PTPRT: variants seen among roughly 807,000 people sequenced by gnomAD.
PTPRT encodes the protein receptor-type tyrosine-protein phosphatase T.
PTPRT carries 56 observed loss-of-function variants against 176.8 expected under a neutral mutation model. The ratio of observed to expected loss-of-function variants is 0.32; its 90% CI spans 0.26 to 0.40. The LOEUF (loss-of-function observed/expected upper bound fraction) is 0.40, where lower values mean the gene tolerates loss of function less well. PTPRT is among the 10% of genes least tolerant of loss of function. The pLI, the probability that PTPRT is intolerant of heterozygous loss-of-function variation, is 1.00. For missense variants in PTPRT, 1,540 were observed against 1,908.2 expected (o/e 0.81, Z 3.60); for synonymous variants, 783 against 739.0 (o/e 1.06, Z -0.96).
Position 43,042,719 on chromosome 20 carries a change from GCCATCTCTCCTCCCACCCA to G in PTPRT, c.88+146908_88+146926del, listed in dbSNP as rs1166876786. ...CATTCTTCCACCCACCCTCCCACCCGCCATCTCTCCTCCCACCCACCATCTCTCCTCCCACCCACCATCT... is the reference window on the plus strand; with the variant it reads ...CATTCTTCCACCCACCCTCCCACCCGCCATCTCTCCTCCCACCCACCATCT... On this transcript the variant is annotated intron_variant, in intron 1 of 30. Coordinates refer to ENST00000373187, the MANE Select transcript of PTPRT (RefSeq NM_007050.6). Among the ~76,000 whole-genome samples the G allele has an allele frequency of 1.7e-3, 36 of 20,592 alleles. No homozygotes were observed. The East Asian group carries it at 0.049, about 28-fold the overall frequency. The allele number at this position is 20,592 out of a possible 152,430, so 13.5% of individuals were successfully genotyped here.
At position 42,432,483 on chromosome 20, in the gene PTPRT, C is replaced by T. The variant is rs76455255; in HGVS notation, c.1560+15737G>A. Among the ~76,000 whole-genome samples the T allele has an allele frequency of 5.1e-4, 77 of 152,308 alleles. No individual in the cohort carries two copies. In the East Asian group the frequency reaches 0.011, roughly 22 times the overall value. Reference sequence around the variant, plus strand: ...GGGGACCCCAGAGAAACCTGAAAACCGGAATTCTTGGCCATGGGGGAAAGG... The same window carrying T: ...GGGGACCCCAGAGAAACCTGAAAACTGGAATTCTTGGCCATGGGGGAAAGG... On this transcript the variant is annotated intron_variant, in intron 9 of 30. Coordinates refer to ENST00000373187, the MANE Select transcript of PTPRT (RefSeq NM_007050.6).
At chr20:42,523,628 C>G (rs2072216153) in intron 7 of PTPRT, among the ~76,000 whole-genome samples, 1 of 152,176 alleles carries the variant, frequency 6.6e-6, no homozygotes, top group Non-Finnish European at 1.5e-5. Context: ...CTTAATCTGA[C>G]AATGTCTCCT....
intron 7 of PTPRT, among the ~76,000 whole-genome samples, chr20:42,661,008 C>G (rs562951963): frequency 3.9e-5 from 6 of 152,026 alleles, no homozygotes; most frequent in African/African-American, 1.4e-4. Flanking sequence ...CATGCCACCA[C>G]GCCCGTCTAA....
intron 7 of PTPRT, among the ~76,000 whole-genome samples, chr20:42,673,115 C>A (rs2075440748): frequency 6.6e-6 from 1 of 152,202 alleles, no homozygotes; most frequent in Admixed American, 6.5e-5. Flanking sequence ...AGGAGGTCCC[C>A]AGGGCTGAAG....
Position 42,448,207 on chromosome 20 carries a change from G to C in PTPRT, c.1560+13C>G, listed in dbSNP as rs201496333. The C allele has an allele frequency of 1.9e-6, 3 of 1,584,422 alleles. No individual in the cohort carries two copies. The African/African-American group carries it at 4.0e-5, about 21-fold the overall frequency. ...AGCTAAGCCAATGGATGCAGCACAA[G>C]GGACCTCCTTACCTCGTAGAGCGTG... On this transcript the variant is annotated intron_variant, in intron 9 of 30. Transcript: ENST00000373187.
chr20:42,460,799 T>G (rs942993782), intron 8 of PTPRT, among the ~76,000 whole-genome samples: 1 of 152,186 alleles, frequency 6.6e-6, no homozygotes, highest in African/African-American at 2.4e-5. Flanking sequence ...TTCTGAGGCC[T>G]CCCAGCCATG....
chr20:42,658,714 G>C (rs1235842773), intron 7 of PTPRT, among the ~76,000 whole-genome samples: 1 of 152,130 alleles, frequency 6.6e-6, no homozygotes, highest in African/African-American at 2.4e-5. Flanking sequence ...AATGAAAACT[G>C]TATTTCTGTA....
chr20:42,816,423 C>A (rs1392136774), intron 2 of PTPRT, among the ~76,000 whole-genome samples: 3 of 152,168 alleles, frequency 2.0e-5, no homozygotes, highest in African/African-American at 7.2e-5. Context: ...CCACTTTCAA[C>A]TTTTAGAATC....
intron 23 of PTPRT, among the ~76,000 whole-genome samples, chr20:42,108,044 G>A (rs73131109): frequency 0.023 from 3,505 of 152,252 alleles, 81 homozygotes; most frequent in Middle Eastern, 0.045. Context: ...GGAGTATAGG[G>A]GGGGTCACTC....
the PTPRT span, among the ~76,000 whole-genome samples, chr20:42,043,927 T>A: frequency 3.9e-5 from 6 of 152,102 alleles, no homozygotes; most frequent in East Asian, 1.2e-3. Context: ...CCCAAACTAT[T>A]CATCTCAGCA....
At chr20:42,934,236 CAGAG>C in intron 1 of PTPRT, among the ~76,000 whole-genome samples, 1 of 152,034 alleles carries the variant, frequency 6.6e-6, no homozygotes, top group East Asian at 1.9e-4. Context: ...AAACGAGAGA[CAGAG>C]AAAGAGAAAG....
chr20:42,287,674 T>A lies in PTPRT; in HGVS notation c.2140-5149A>T, dbSNP rs2057253436. ...GTGTTCTGTAGCCCTGTAGGATGAC[T>A]ATAGTTAAGCAAAATATATAGTTTC... On this transcript the variant is annotated intron_variant, in intron 12 of 30. Coordinates refer to ENST00000373187, the MANE Select transcript of PTPRT (RefSeq NM_007050.6). Among the ~76,000 whole-genome samples, 4 of 152,008 alleles carry A rather than the reference T, an allele frequency of 2.6e-5. No homozygotes were observed. In the South Asian group the frequency reaches 8.3e-4, roughly 32 times the overall value.
chr20:42,882,319 C>A (rs2079023255), intron 2 of PTPRT, among the ~76,000 whole-genome samples: 1 of 152,184 alleles, frequency 6.6e-6, no homozygotes, highest in Admixed American at 6.5e-5. Context: ...TGATCATTAT[C>A]AAATGCCTCT....
chr20:42,469,485 A>G (rs1196416951), intron 8 of PTPRT, among the ~76,000 whole-genome samples: 1 of 152,186 alleles, frequency 6.6e-6, no homozygotes, highest in African/African-American at 2.4e-5. Context: ...TTACAGGGTG[A>G]GCCACCATGT....
intron 7 of PTPRT, among the ~76,000 whole-genome samples, chr20:42,574,820 G>T (rs1041619937): frequency 2.0e-5 from 3 of 152,172 alleles, no homozygotes; most frequent in Non-Finnish European, 4.4e-5. Flanking sequence ...CCCCCTTGCT[G>T]TTCTCATGAT....
intron 1 of PTPRT, among the ~76,000 whole-genome samples, chr20:43,021,790 T>C (rs1217936641): frequency 7.1e-6 from 1 of 141,548 alleles, no homozygotes; most frequent in Non-Finnish European, 1.5e-5. Context: ...TTTATTTTTC[T>C]CACATAATGG....
intron 9 of PTPRT, among the ~76,000 whole-genome samples, chr20:42,438,709 C>T (rs2059285187): frequency 6.6e-6 from 1 of 152,170 alleles, no homozygotes; most frequent in African/African-American, 2.4e-5. Context: ...ATGCAGCAAC[C>T]TTTATTGTTT....
chr20:43,167,845 A>T (rs1397978100), intron 1 of PTPRT, among the ~76,000 whole-genome samples: 1 of 152,204 alleles, frequency 6.6e-6, no homozygotes, highest in Non-Finnish European at 1.5e-5. Flanking sequence ...ATGAGGTTGG[A>T]AACAGATCCT....
At position 42,806,084 on chromosome 20, in the gene PTPRT, C is replaced by G. The variant is rs113777889; in HGVS notation, c.215-14618G>C. On this transcript the variant is annotated intron_variant, in intron 2 of 30. Transcript: ENST00000373187. ...TGAAGATGCAGGCTCTGGAGCCACA[C>G]CCCTGCAGTCAAAACCCAGCCCTCT... 8.0e-3 allele frequency among the ~76,000 whole-genome samples: 1,211 copies of G among 151,678 alleles called. 8 individuals are homozygous for G. The highest frequency in any genetic ancestry group is 0.028 in the African/African-American group (1,155 of 41,294).
Sources: gnomAD v4.1 joint callset for allele counts (sites outside exome capture counted in the v4.1 genomes callset) on GRCh38, gnomAD v4.1.1 for gene constraint, MANE v1.5 for transcripts, NCBI Gene and HGNC (gene_info 2026-07-23, HGNC 2026-07-21) for gene names.